ERBB4: variants seen among roughly 807,000 people sequenced by gnomAD.
ERBB4 encodes erb-b2 receptor tyrosine kinase 4, also known as receptor tyrosine-protein kinase erbB-4.
In ERBB4, 42 loss-of-function variants were observed where a neutral mutation model predicts 158.0. The ratio of observed to expected loss-of-function variants is 0.27; its 90% CI spans 0.21 to 0.34. ERBB4 has a LOEUF of 0.34. ERBB4 is among the 10% of genes least tolerant of loss of function. The pLI, the probability that ERBB4 is intolerant of heterozygous loss-of-function variation, is 1.00. For missense variants in ERBB4, 1,333 were observed against 1,624.1 expected (o/e 0.82, Z 3.08); for synonymous variants, 583 against 558.7 (o/e 1.04, Z -0.61).
intron 1 of ERBB4, among the ~76,000 whole-genome samples, chr2:212,465,363 T>C (rs1007597773): frequency 1.3e-5 from 2 of 152,092 alleles, no homozygotes; most frequent in Non-Finnish European, 2.9e-5. Flanking sequence ...TATGAATAAA[T>C]GAAAGGGAAA....
At chr2:212,027,039 C>G (rs2076789153) in intron 2 of ERBB4, among the ~76,000 whole-genome samples, 1 of 151,820 alleles carries the variant, frequency 6.6e-6, no homozygotes, top group Admixed American at 6.6e-5. Context: ...ATTGCTCCAT[C>G]ATACATCAAC....
At chr2:212,119,248 AC>A (rs1419580871) in intron 2 of ERBB4, among the ~76,000 whole-genome samples, 1 of 152,164 alleles carries the variant, frequency 6.6e-6, no homozygotes, top group Non-Finnish European at 1.5e-5. Context: ...ATAGGTGTTA[AC>A]ACTCACTATA....
chr2:212,411,467 T>C (rs139954762), intron 1 of ERBB4, among the ~76,000 whole-genome samples: 1 of 152,288 alleles, frequency 6.6e-6, no homozygotes, highest in East Asian at 1.9e-4. Flanking sequence ...TATGGTGATA[T>C]CTATTCTGAT....
intron 3 of ERBB4, among the ~76,000 whole-genome samples, chr2:211,820,543 T>C (rs1184595855): frequency 6.6e-6 from 1 of 151,860 alleles, no homozygotes; most frequent in African/African-American, 2.4e-5. Flanking sequence ...TTCTAACTAT[T>C]CAAAAAATTG....
chr2:212,267,069 AGCT>A (rs1307528106), intron 1 of ERBB4, among the ~76,000 whole-genome samples: 3 of 138,104 alleles, frequency 2.2e-5, no homozygotes. Flanking sequence ...TGCTACTCGG[AGCT>A]TTTCTAAATT....
At chr2:212,423,817 C>T (rs1314736494) in intron 1 of ERBB4, among the ~76,000 whole-genome samples, 1 of 152,080 alleles carries the variant, frequency 6.6e-6, no homozygotes, top group Non-Finnish European at 1.5e-5. Context: ...TATACTTTCA[C>T]CTGATGAGAG....
chr2:211,619,873 A>T (rs112507208), intron 18 of ERBB4, among the ~76,000 whole-genome samples: 4 of 152,156 alleles, frequency 2.6e-5, no homozygotes, highest in African/African-American at 7.2e-5. Flanking sequence ...ATTTGTCTAC[A>T]TTATTAAAGC....
chr2:212,349,067 T>G (rs1383656328), intron 1 of ERBB4, among the ~76,000 whole-genome samples: 2 of 152,110 alleles, frequency 1.3e-5, no homozygotes, highest in African/African-American at 2.4e-5. Context: ...ATATAATGAT[T>G]TGTGTCTCAA....
chr2:212,261,921 A>C lies in ERBB4; in HGVS notation c.83-137018T>G, dbSNP rs2084960982. Among the ~76,000 whole-genome samples the C allele has an allele frequency of 2.0e-5, 3 of 152,148 alleles. No homozygotes were observed. In the South Asian group the frequency reaches 6.2e-4, roughly 31 times the overall value. On this transcript the variant is annotated intron_variant, in intron 1 of 27. Transcript: ENST00000342788. ...ACCTCTTTATAAAAAATATAAAATT[A>C]AATTTACAAAATTAGGTACAAATGT...
At chr2:211,499,524 AAAAAC>A (rs1361812980) in intron 20 of ERBB4, among the ~76,000 whole-genome samples, 1 of 152,108 alleles carries the variant, frequency 6.6e-6, no homozygotes, top group Non-Finnish European at 1.5e-5. Context: ...TCTGTCTCAG[AAAAAC>A]AAAACAAAAC....
intron 1 of ERBB4, among the ~76,000 whole-genome samples, chr2:212,412,172 C>T (rs1204222193): frequency 1.3e-5 from 2 of 152,208 alleles, no homozygotes; most frequent in African/African-American, 4.8e-5. Context: ...AATCTCACTT[C>T]ATAAATCTTA....
At chr2:212,399,092 A>G (rs2091115770) in intron 1 of ERBB4, among the ~76,000 whole-genome samples, 1 of 151,978 alleles carries the variant, frequency 6.6e-6, no homozygotes, top group Middle Eastern at 3.4e-3. Flanking sequence ...AAAGATGCCC[A>G]CCACCACGCC....
chr2:212,066,095 C>T (rs1017038180), intron 2 of ERBB4, among the ~76,000 whole-genome samples: 1 of 151,908 alleles, frequency 6.6e-6, no homozygotes, highest in Non-Finnish European at 1.5e-5. Flanking sequence ...CAGAGAAATA[C>T]TAGGGTTGAA....
intron 1 of ERBB4, among the ~76,000 whole-genome samples, chr2:212,126,976 A>G (rs2079950800): frequency 6.6e-6 from 1 of 152,198 alleles, no homozygotes; most frequent in South Asian, 2.1e-4. Flanking sequence ...ATTCATTATA[A>G]AAACAAAATC....
rs897498280 is a variant in ERBB4, at chr2:211,888,689, C to T, written c.421+58741G>A. 7.5e-3 allele frequency among the ~76,000 whole-genome samples: 1,128 copies of T among 151,068 alleles called. 4 individuals are homozygous for T. Among genetic ancestry groups the T allele is most frequent in the Non-Finnish European group, 0.011 (758 of 67,712 alleles). On this transcript the variant is annotated intron_variant, in intron 3 of 27. Coordinates refer to ENST00000342788, the MANE Select transcript of ERBB4 (RefSeq NM_005235.3). The stretch of plus-strand genomic sequence containing the variant: ...GACAGTGGGCGCAGGCCAGTGGGTG[C>T]GCGCACCGTGCGCGAGCCGAAGCAG...
At chr2:211,973,912 A>G (rs1177003411) in intron 2 of ERBB4, among the ~76,000 whole-genome samples, 1 of 151,956 alleles carries the variant, frequency 6.6e-6, no homozygotes, top group African/African-American at 2.4e-5. Flanking sequence ...AAAAAAGAAT[A>G]AAGTCATGTC....
intron 3 of ERBB4, among the ~76,000 whole-genome samples, chr2:211,943,523 G>T (rs575138288): frequency 6.6e-6 from 1 of 152,124 alleles, no homozygotes; most frequent in East Asian, 1.9e-4. Flanking sequence ...CTGAAGGGAT[G>T]CACTGATGGA....
intron 1 of ERBB4, among the ~76,000 whole-genome samples, chr2:212,231,898 C>T (rs1195934107): frequency 3.3e-5 from 5 of 152,156 alleles, no homozygotes; most frequent in African/African-American, 9.6e-5. Context: ...TAAGTGAATA[C>T]ACCAACTGTA....
At chr2:211,523,150 T>A (rs2066235013) in intron 20 of ERBB4, among the ~76,000 whole-genome samples, 2 of 143,244 alleles carry the variant, frequency 1.4e-5, no homozygotes, top group African/African-American at 5.2e-5. Flanking sequence ...AACACCAAAT[T>A]CAACAACTGC....
Sources: gnomAD v4.1 joint callset for allele counts (sites outside exome capture counted in the v4.1 genomes callset) on GRCh38, gnomAD v4.1.1 for gene constraint, MANE v1.5 for transcripts, NCBI Gene and HGNC (gene_info 2026-07-23, HGNC 2026-07-21) for gene names.